GAREM1: variants seen among roughly 807,000 people sequenced by gnomAD.
The protein encoded by GAREM1 is GRB2 associated regulator of MAPK1 subtype 1.
In GAREM1, 26 loss-of-function variants were observed where a neutral mutation model predicts 71.3. That is an observed-to-expected ratio of 0.36 (90% CI 0.27 to 0.51). The LOEUF is 0.51. GAREM1 is among the 20% of genes least tolerant of loss of function. The probability of loss-of-function intolerance (pLI) is 0.95; values close to 1 mark genes in which losing one functional copy is unlikely to be tolerated. For missense variants in GAREM1, 1,026 were observed against 1,103.1 expected, an observed-to-expected ratio of 0.93 and a Z score of 0.99; for synonymous variants, 440 against 433.2, an observed-to-expected ratio of 1.02 and a Z score of -0.20.
At chr18:32,339,124 C>T (rs1049062602) in intron 2 of GAREM1, among the ~76,000 whole-genome samples, 1 of 152,178 alleles carries the variant, frequency 6.6e-6, no homozygotes, top group African/African-American at 2.4e-5. Context: ...TCTATAAATA[C>T]CACCCCCTAT....
intron 1 of GAREM1, among the ~76,000 whole-genome samples, chr18:32,449,814 C>T (rs180754533): frequency 9.9e-5 from 15 of 152,216 alleles, no homozygotes; most frequent in African/African-American, 3.6e-4. Context: ...ATGCAGTAAA[C>T]CAGGTTTGTT....
intron 1 of GAREM1, among the ~76,000 whole-genome samples, chr18:32,401,960 T>C (rs1161025929): frequency 6.6e-6 from 1 of 152,154 alleles, no homozygotes; most frequent in Non-Finnish European, 1.5e-5. Flanking sequence ...AAGAAACCAA[T>C]GCTTATGTCT....
At chr18:32,433,871 A>G (rs1052118676) in intron 1 of GAREM1, among the ~76,000 whole-genome samples, 1 of 152,176 alleles carries the variant, frequency 6.6e-6, no homozygotes, top group Non-Finnish European at 1.5e-5. Context: ...TCAGTCCAAA[A>G]TGATTTATAG....
At chr18:32,273,564 G>A (rs985572271) in intron 4 of GAREM1, among the ~76,000 whole-genome samples, 1 of 152,164 alleles carries the variant, frequency 6.6e-6, no homozygotes, top group African/African-American at 2.4e-5. Flanking sequence ...GTGAAGAGAA[G>A]CATTTCTAAG....
intron 1 of GAREM1, among the ~76,000 whole-genome samples, chr18:32,424,939 AG>A (rs774859531): frequency 2.0e-5 from 3 of 152,162 alleles, no homozygotes; most frequent in East Asian, 1.9e-4. Context: ...AGCCCTCCAA[AG>A]GGTATATCAA....
chr18:32,271,446 C>T (rs912728130), intron 4 of GAREM1, among the ~76,000 whole-genome samples: 1 of 152,098 alleles, frequency 6.6e-6, no homozygotes, highest in Non-Finnish European at 1.5e-5. Context: ...GGGCCTCCCA[C>T]AGTGCTGGGA....
At chr18:32,323,188 C>T (rs533733850) in intron 2 of GAREM1, among the ~76,000 whole-genome samples, 40 of 152,254 alleles carry the variant, frequency 2.6e-4, no homozygotes, top group African/African-American at 9.1e-4. Context: ...TCACCCAGCC[C>T]CAAAACTGCT....
intron 4 of GAREM1, among the ~76,000 whole-genome samples, chr18:32,282,374 C>A (rs1230686081): frequency 6.6e-6 from 1 of 152,032 alleles, no homozygotes; most frequent in African/African-American, 2.4e-5. Context: ...TGCAGTGAGC[C>A]GAGATCGCAC....
At chr18:32,348,326 C>T (rs2047715235) in intron 2 of GAREM1, among the ~76,000 whole-genome samples, 1 of 152,238 alleles carries the variant, frequency 6.6e-6, no homozygotes, top group African/African-American at 2.4e-5. Context: ...TGAATCAAAA[C>T]TTGGTGATTA....
intron 1 of GAREM1, among the ~76,000 whole-genome samples, chr18:32,456,108 C>G (rs1218774662): frequency 6.6e-6 from 1 of 152,046 alleles, no homozygotes; most frequent in Non-Finnish European, 1.5e-5. Context: ...GGATTGAAAA[C>G]AGGAATAAGA....
chr18:32,394,621 G>A (rs185927289), intron 1 of GAREM1, among the ~76,000 whole-genome samples: 120 of 152,242 alleles, frequency 7.9e-4, no homozygotes, highest in Middle Eastern at 3.4e-3. Context: ...AGAGGATGTG[G>A]CCTGGCTTTT....
At chr18:32,453,805 C>G (rs1348116476) in intron 1 of GAREM1, among the ~76,000 whole-genome samples, 4 of 152,108 alleles carry the variant, frequency 2.6e-5, no homozygotes, top group African/African-American at 9.7e-5. Context: ...TGTGCACATG[C>G]CTGTGTGCAT....
chr18:32,396,160 T>A (rs1020537807), intron 1 of GAREM1, among the ~76,000 whole-genome samples: 1 of 152,172 alleles, frequency 6.6e-6, no homozygotes, highest in African/African-American at 2.4e-5. Context: ...AAACGCCATC[T>A]GTATGTCACC....
intron 3 of GAREM1, among the ~76,000 whole-genome samples, chr18:32,295,434 A>G (rs2047130782): frequency 6.6e-6 from 1 of 152,070 alleles, no homozygotes; most frequent in Non-Finnish European, 1.5e-5. Context: ...TATTATCTAT[A>G]TTTTATCAGG....
intron 1 of GAREM1, among the ~76,000 whole-genome samples, chr18:32,397,134 C>A (rs60577454): frequency 0.076 from 11,626 of 152,170 alleles, 619 homozygotes; most frequent in African/African-American, 0.15. Context: ...GCCTGCCCTA[C>A]AAGAGCTCCT....
intron 1 of GAREM1, among the ~76,000 whole-genome samples, chr18:32,417,945 T>C (rs1179984810): frequency 2.0e-5 from 3 of 152,208 alleles, no homozygotes; most frequent in Admixed American, 6.5e-5. Context: ...GTGATTATTA[T>C]ACACTGCATG....
chr18:32,435,728 T>G (rs2048669982), intron 1 of GAREM1, among the ~76,000 whole-genome samples: 3 of 152,170 alleles, frequency 2.0e-5, no homozygotes, highest in African/African-American at 7.2e-5. Flanking sequence ...AGAGGTAAAA[T>G]CCCACACAAT....
chr18:32,398,619 A>T (rs1423806897), intron 1 of GAREM1, among the ~76,000 whole-genome samples: 1 of 152,238 alleles, frequency 6.6e-6, no homozygotes, highest in Non-Finnish European at 1.5e-5. Flanking sequence ...TAAACCAGGA[A>T]GAAGTTGAAT....
At chr18:32,400,200 G>C (rs1349441538) in intron 1 of GAREM1, among the ~76,000 whole-genome samples, 1 of 152,122 alleles carries the variant, frequency 6.6e-6, no homozygotes, top group East Asian at 1.9e-4. Flanking sequence ...TTACATGTTA[G>C]ACCTAAAACC....
Sources: allele counts gnomAD v4.1 joint callset (sites outside exome capture counted in the v4.1 genomes callset), GRCh38; gene constraint gnomAD v4.1.1; transcripts MANE v1.5; gene names NCBI Gene and HGNC (gene_info 2026-07-23, HGNC 2026-07-21).